NUBPL: variants seen among roughly 807,000 people sequenced by gnomAD.
NUBPL encodes the protein iron-sulfur cluster transfer protein NUBPL.
A neutral mutation model predicts 45.7 loss-of-function variants in NUBPL; 31 were observed. The ratio of observed to expected loss-of-function variants is 0.68; its 90% CI spans 0.51 to 0.92. The LOEUF is 0.92. Among genes scored for constraint, NUBPL ranks in the 40% least tolerant of loss-of-function variants. The probability of loss-of-function intolerance (pLI) is 0.00; values close to 1 mark genes in which losing one functional copy is unlikely to be tolerated. For synonymous variants in NUBPL, 144 were observed against 140.9 expected (o/e 1.02, Z -0.15); for missense variants, 401 against 398.7 (o/e 1.01, Z -0.05).
At chr14:31,650,010 C>T (rs1415358579) in intron 4 of NUBPL, among the ~76,000 whole-genome samples, 2 of 151,918 alleles carry the variant, frequency 1.3e-5, no homozygotes, top group Non-Finnish European at 2.9e-5. Context: ...CAGACATGTG[C>T]CACCATGCCC....
rs1202169966 is a variant in NUBPL, at chr14:31,841,919, T to TTTG, written c.694-4550_694-4549insGTT. ...TTCATGTATGGGTCGATTCTGGGCTTTTTTTTTTTTTTTTTTTTTTTTTTT... is the reference window on the plus strand; with the variant it reads ...TTCATGTATGGGTCGATTCTGGGCTTTTGTTTTTTTTTTTTTTTTTTTTTTTTT... On this transcript the variant is annotated intron_variant, in intron 8 of 10. Coordinates refer to ENST00000281081, the MANE Select transcript of NUBPL (RefSeq NM_025152.3). Among the ~76,000 whole-genome samples the TTTG allele has an allele frequency of 1.0e-3, 87 of 87,054 alleles. 3 individuals are homozygous for TTTG. The highest frequency in any genetic ancestry group is 1.7e-3 in the African/African-American group (37 of 22,158). The allele number at this position is 87,054 out of a possible 152,430, so 57.1% of individuals were successfully genotyped here.
In NUBPL at chr14:31,561,485, C is replaced by T. The variant is rs886050447; in HGVS notation, c.46C>T (p.Arg16Trp). The T allele has an allele frequency of 1.4e-6, 2 of 1,405,190 alleles. No homozygotes were observed. Among genetic ancestry groups the T allele is most frequent in the African/African-American group, 1.5e-5 (1 of 67,494 alleles). The allele number at this position is 1,405,190 out of a possible 1,614,324, so 87.0% of individuals were successfully genotyped here. The change falls in exon 1 of 11, where the codon CGG becomes TGG. Residue 16 changes from arginine (R) to tryptophan (W), a missense_variant. Arg to Trp is a moderately radical substitution (Grantham distance 101). Transcript: ENST00000281081. ...RLLLFGGVSL[R>W]AGGGATAPLG... ...GCTGCTTTTTGGTGGGGTGTCGCTC[C>T]GGGCTGGTGGCGGGGCCACTGCCCC...
intron 4 of NUBPL, among the ~76,000 whole-genome samples, chr14:31,635,033 G>A (rs1183803956): frequency 1.3e-5 from 2 of 149,770 alleles, no homozygotes; most frequent in South Asian, 2.1e-4. Context: ...CTCCCATTTT[G>A]TAGGTTGCCT....
chr14:31,635,947 T>C (rs1461415071), intron 4 of NUBPL, among the ~76,000 whole-genome samples: 3 of 152,228 alleles, frequency 2.0e-5, no homozygotes, highest in Non-Finnish European at 4.4e-5. Context: ...TTTTGTATCC[T>C]GAGACTTTGC....
intron 6 of NUBPL, among the ~76,000 whole-genome samples, chr14:31,723,379 G>A (rs912768432): frequency 5.3e-5 from 8 of 152,166 alleles, no homozygotes; most frequent in Non-Finnish European, 1.0e-4. Flanking sequence ...GTAGCATGAA[G>A]CCTCTGGATT....
rs183905998 is a variant in NUBPL, at chr14:31,696,575, G to A, written c.513+23001G>A. Among the ~76,000 whole-genome samples, 20 of 151,512 alleles carry A rather than the reference G, an allele frequency of 1.3e-4. No homozygotes were observed. The East Asian group carries it at 3.3e-3, about 25-fold the overall frequency. On this transcript the variant is annotated intron_variant, in intron 6 of 10. Coordinates refer to ENST00000281081, the MANE Select transcript of NUBPL (RefSeq NM_025152.3). Reference sequence around the variant, plus strand: ...TTGTTTACTTTGGAAATGACTTTTCGCCTGAGTGAAAAAAAAACGTGTTCT... The same window carrying A: ...TTGTTTACTTTGGAAATGACTTTTCACCTGAGTGAAAAAAAAACGTGTTCT...
chr14:31,765,734 T>C (rs559796489), intron 6 of NUBPL, among the ~76,000 whole-genome samples: 2 of 152,336 alleles, frequency 1.3e-5, no homozygotes, highest in South Asian at 4.1e-4. Flanking sequence ...GTTTCTCTTT[T>C]ATTTTACCAA....
chr14:31,847,346 G>C (rs911360966), intron 9 of NUBPL, among the ~76,000 whole-genome samples: 2 of 152,136 alleles, frequency 1.3e-5, no homozygotes, highest in African/African-American at 4.8e-5. Flanking sequence ...TAGTCTTTCT[G>C]CTTTAGAATG....
chr14:31,758,629 A>C (rs1030500563), intron 6 of NUBPL, among the ~76,000 whole-genome samples: 2 of 152,172 alleles, frequency 1.3e-5, no homozygotes, highest in African/African-American at 4.8e-5. Context: ...AATAATTATG[A>C]AATATTTTCA....
intron 4 of NUBPL, among the ~76,000 whole-genome samples, chr14:31,664,455 A>G (rs1233939106): frequency 1.3e-5 from 2 of 152,162 alleles, no homozygotes; most frequent in Non-Finnish European, 2.9e-5. Flanking sequence ...GGGCTGTTGA[A>G]TTTTGTTGAA....
At position 31,846,405 on chromosome 14, in the gene NUBPL, T is replaced by A. The variant is rs574464396; in HGVS notation, c.694-66T>A. On this transcript the variant is annotated intron_variant, in intron 8 of 10. Coordinates refer to ENST00000281081, the MANE Select transcript of NUBPL (RefSeq NM_025152.3). The stretch of plus-strand genomic sequence containing the variant: ...GAACTCAGTAGGCACTCTGTAAAAA[T>A]TTGTTGAAGTAATGTATTAATATTT... 30 of 1,347,030 alleles carry A rather than the reference T, an allele frequency of 2.2e-5. 1 individual carries two copies. The South Asian group carries it at 3.2e-4, about 15-fold the overall frequency. The allele number at this position is 1,347,030 out of a possible 1,614,324, so 83.4% of individuals were successfully genotyped here.
intron 6 of NUBPL, among the ~76,000 whole-genome samples, chr14:31,711,352 A>T (rs1281533909): frequency 6.6e-6 from 1 of 152,176 alleles, no homozygotes; most frequent in African/African-American, 2.4e-5. Context: ...TTGCCGCGCT[A>T]GTAGCTTTTA....
chr14:31,729,009 G>C (rs191701462), intron 6 of NUBPL, among the ~76,000 whole-genome samples: 4 of 152,122 alleles, frequency 2.6e-5, no homozygotes, highest in African/African-American at 9.7e-5. Flanking sequence ...GGCTGGGCAC[G>C]GTGGCTCACG....
chr14:31,755,426 A>ATTTGCAT (rs2038637045), intron 6 of NUBPL, among the ~76,000 whole-genome samples: 1 of 152,106 alleles, frequency 6.6e-6, no homozygotes, highest in Admixed American at 6.5e-5. Flanking sequence ...TGTGGTTTTG[A>ATTTGCAT]TTTGCATTTC....
intron 4 of NUBPL, among the ~76,000 whole-genome samples, chr14:31,654,964 A>G (rs549115157): frequency 2.0e-5 from 3 of 152,306 alleles, no homozygotes; most frequent in South Asian, 2.1e-4. Flanking sequence ...ATCTCAAGAA[A>G]GTACTTTCTT....
intron 7 of NUBPL, among the ~76,000 whole-genome samples, chr14:31,821,710 G>A (rs991863621): frequency 1.3e-5 from 2 of 152,228 alleles, no homozygotes; most frequent in Non-Finnish European, 2.9e-5. Context: ...AAGGAAATCA[G>A]TATATCAAAG....
At chr14:31,601,404 A>G (rs1201054688) in intron 4 of NUBPL, among the ~76,000 whole-genome samples, 1 of 152,214 alleles carries the variant, frequency 6.6e-6, no homozygotes, top group Non-Finnish European at 1.5e-5. Flanking sequence ...ATGTTCTTCC[A>G]TTTGTTTGTA....
At chr14:31,637,270 G>C (rs1305081083) in intron 4 of NUBPL, among the ~76,000 whole-genome samples, 3 of 152,188 alleles carry the variant, frequency 2.0e-5, no homozygotes, top group East Asian at 1.9e-4. Context: ...ATGTGTCCCA[G>C]AGATTCTGGT....
At chr14:31,692,621 A>C (rs1182886557) in intron 6 of NUBPL, among the ~76,000 whole-genome samples, 5 of 152,264 alleles carry the variant, frequency 3.3e-5, no homozygotes, top group Non-Finnish European at 5.9e-5. Flanking sequence ...CTAAAGAAGC[A>C]GTTTCACTTT....
Sources: gnomAD v4.1 joint callset for allele counts (sites outside exome capture counted in the v4.1 genomes callset) on GRCh38, gnomAD v4.1.1 for gene constraint, MANE v1.5 for transcripts, NCBI Gene and HGNC (gene_info 2026-07-23, HGNC 2026-07-21) for gene names.